Variants in ZNF516 observed in about 807,000 individuals in gnomAD.
ZNF516 encodes the protein zinc finger protein 516.
A neutral mutation model predicts 79.7 loss-of-function variants in ZNF516; 19 were observed. The ratio of observed to expected loss-of-function variants is 0.24; its 90% CI spans 0.17 to 0.35. ZNF516 has a LOEUF of 0.35. Among genes scored for constraint, ZNF516 ranks in the 10% least tolerant of loss-of-function variants. The pLI, the probability that ZNF516 is intolerant of heterozygous loss-of-function variation, is 1.00. For missense variants in ZNF516, 1,678 were observed against 1,679.5 expected (o/e 1.00, Z 0.02); for synonymous variants, 877 against 739.5 (o/e 1.19, Z -3.02).
intron 1 of ZNF516, among the ~76,000 whole-genome samples, chr18:76,488,657 G>A (rs918025105): frequency 1.3e-5 from 2 of 152,140 alleles, no homozygotes; most frequent in Non-Finnish European, 2.9e-5. Flanking sequence ...TTTTGAAGAA[G>A]AAATATGACT....
intron 4 of ZNF516, 74 bp downstream of exon 4, chr18:76,378,781 A>G (rs1436201677): frequency 2.0e-6 from 3 of 1,531,682 alleles, no homozygotes; most frequent in East Asian, 4.6e-5. Context: ...GCAGGTGCGC[A>G]GCAGCCCTGG....
chr18:76,478,735 C>A (rs367776151), intron 1 of ZNF516, among the ~76,000 whole-genome samples: 37 of 152,232 alleles, frequency 2.4e-4, no homozygotes, highest in African/African-American at 8.4e-4. Flanking sequence ...TATTAAAATG[C>A]TTACATTTGC....
rs190530090 is a variant in ZNF516, at chr18:76,455,010, C to T, written c.-158+8018G>A. Among the ~76,000 whole-genome samples the T allele has an allele frequency of 2.0e-5, 3 of 152,260 alleles. No homozygotes were observed. In the East Asian group the frequency reaches 5.8e-4, roughly 29 times the overall value. On this transcript the variant is annotated intron_variant, in intron 2 of 6. Coordinates refer to ENST00000443185, the MANE Select transcript of ZNF516 (RefSeq NM_014643.4). ...GTTTAACTTCAGAATTGCCAACCCC[C>T]GCCCCATCCCCTTGGTCCCCAAAGA...
At chr18:76,367,807 C>A (rs1191133997) in intron 6 of ZNF516, among the ~76,000 whole-genome samples, 2 of 152,126 alleles carry the variant, frequency 1.3e-5, no homozygotes, top group South Asian at 2.1e-4. Context: ...AGTGGGTGGT[C>A]AATAAATATT....
intron 1 of ZNF516, among the ~76,000 whole-genome samples, chr18:76,472,893 TA>T (rs1451551145): frequency 6.6e-6 from 1 of 152,186 alleles, no homozygotes. Flanking sequence ...CTATGTCATG[TA>T]AAAATTAAAA....
intron 3 of ZNF516, among the ~76,000 whole-genome samples, chr18:76,436,794 G>A (rs911880459): frequency 2.0e-5 from 3 of 152,046 alleles, no homozygotes; most frequent in African/African-American, 7.2e-5. Flanking sequence ...CAGGCCAGGT[G>A]CAGTGGCTCA....
chr18:76,417,726 C>T (rs958543580), intron 3 of ZNF516, among the ~76,000 whole-genome samples: 1 of 152,166 alleles, frequency 6.6e-6, no homozygotes, highest in African/African-American at 2.4e-5. Flanking sequence ...TCTTACTATT[C>T]CTACAAATAT....
chr18:76,382,523 C>T (rs1043251691), intron 3 of ZNF516, among the ~76,000 whole-genome samples: 1 of 152,278 alleles, frequency 6.6e-6, no homozygotes, highest in South Asian at 2.1e-4. Context: ...CAAAGCACGA[C>T]TGTCGAGGCT....
At chr18:76,427,741 T>C (rs988252873) in intron 3 of ZNF516, among the ~76,000 whole-genome samples, 8 of 152,194 alleles carry the variant, frequency 5.3e-5, no homozygotes, top group African/African-American at 1.7e-4. Context: ...ATCCACGATA[T>C]ATAAACAGTT....
chr18:76,424,972 AACAC>A (rs199934058), intron 3 of ZNF516, among the ~76,000 whole-genome samples: 1 of 133,630 alleles, frequency 7.5e-6, no homozygotes, highest in Non-Finnish European at 1.6e-5. Context: ...CTCCCCCCGA[AACAC>A]ACACGCAGGT....
chr18:76,435,687 C>T (rs2075723310), intron 3 of ZNF516, among the ~76,000 whole-genome samples: 1 of 152,214 alleles, frequency 6.6e-6, no homozygotes, highest in African/African-American at 2.4e-5. Flanking sequence ...ACTTTACTCC[C>T]AACGAAAGGA....
At chr18:76,399,407 G>A (rs2075188384) in intron 3 of ZNF516, among the ~76,000 whole-genome samples, 1 of 152,202 alleles carries the variant, frequency 6.6e-6, no homozygotes, top group African/African-American at 2.4e-5. Context: ...TTTTGGCATA[G>A]ACGGAATTAA....
intron 1 of ZNF516, among the ~76,000 whole-genome samples, chr18:76,475,898 G>A (rs1352631780): frequency 6.6e-6 from 1 of 152,184 alleles, no homozygotes; most frequent in East Asian, 1.9e-4. Context: ...CATTCACCAA[G>A]CGAATGTATT....
rs1296800149 is a variant in ZNF516, at chr18:76,451,969, G to GT, written c.-157-8759dup. The stretch of plus-strand genomic sequence containing the variant: ...AAGTGATGCATTCACTATTGGGAGA[G>GT]TAAGTACGGCCGATGACAGGCCTGG... On this transcript the variant is annotated intron_variant, in intron 2 of 6. Coordinates refer to ENST00000443185, the MANE Select transcript of ZNF516 (RefSeq NM_014643.4). This position sits in a 1 kb window ranked among gnomAD's most constrained non-coding sequence, Gnocchi z 6.0. Among the ~76,000 whole-genome samples, 1 of 152,176 alleles carries GT rather than the reference G, an allele frequency of 6.6e-6. No individual in the cohort carries two copies. Among genetic ancestry groups the GT allele is most frequent in the Non-Finnish European group, 1.5e-5 (1 of 68,028 alleles).
In ZNF516 at chr18:76,380,297, T is replaced by C. The variant is rs759279674; in HGVS notation, c.1817A>G (p.Gln606Arg). The C allele has an allele frequency of 6.4e-5, 103 of 1,613,142 alleles. 2 individuals are homozygous for C. In the South Asian group the frequency reaches 1.1e-3, roughly 17 times the overall value. Residue 606 changes from glutamine (Q) to arginine (R), a missense_variant, in exon 4 of 7, where the codon CAG becomes CGG. By Grantham distance (43) the Gln-to-Arg change is conservative (BLOSUM62 1). Coordinates refer to ENST00000443185, the MANE Select transcript of ZNF516 (RefSeq NM_014643.4). Reference protein sequence around the residue: ...EGAPEPAPGGQPRRCCFSEEV... With the variant: ...EGAPEPAPGGRPRRCCFSEEV... The stretch of plus-strand genomic sequence containing the variant: ...TTCGGAAAAGCAGCAGCGGCGCGGC[T>C]GTCCCCCTAGAGGAGGCAAAATATG...
At chr18:76,495,358 C>G (rs1206897581), upstream of ZNF516, among the ~76,000 whole-genome samples, 2 of 144,950 alleles carry the variant, frequency 1.4e-5, no homozygotes, top group African/African-American at 2.5e-5. Flanking sequence ...GCGTCCGCCC[C>G]GCGGGGGCCC....
chr18:76,432,552 C>A (rs1325630342), intron 3 of ZNF516, among the ~76,000 whole-genome samples: 1 of 152,250 alleles, frequency 6.6e-6, no homozygotes, highest in Non-Finnish European at 1.5e-5. Flanking sequence ...GTCACCTGAG[C>A]CCTGTGTGCT....
chr18:76,381,727 T>C (rs2074895581), intron 3 of ZNF516, among the ~76,000 whole-genome samples: 1 of 152,170 alleles, frequency 6.6e-6, no homozygotes, highest in South Asian at 2.1e-4. Context: ...AAAGGACTTG[T>C]CCATGTAAAA....
At chr18:76,461,782 G>A (rs531029041) in intron 2 of ZNF516, among the ~76,000 whole-genome samples, 3 of 152,338 alleles carry the variant, frequency 2.0e-5, no homozygotes, top group African/African-American at 7.2e-5. Flanking sequence ...CTTGAGGCTT[G>A]TCGCCAACAG....
Sources: gnomAD v4.1 joint callset for allele counts (sites outside exome capture counted in the v4.1 genomes callset) on GRCh38, gnomAD v4.1.1 for gene constraint, Gnocchi (gnomAD v3.1) non-coding constraint, MANE v1.5 for transcripts, NCBI Gene and HGNC (gene_info 2026-07-23, HGNC 2026-07-21) for gene names.